The following ENY2 variants were observed in gnomAD, a reference collection of about 807,000 sequenced individuals.
ENY2 encodes ENY2 transcription and export complex 2 subunit.
In ENY2, 4 loss-of-function variants were observed where a neutral mutation model predicts 15.9. That is an observed-to-expected ratio of 0.25 (90% confidence interval 0.12 to 0.57). The LOEUF (loss-of-function observed/expected upper bound fraction) is 0.57. ENY2 is among the 20% of genes least tolerant of loss of function. The pLI, the probability that ENY2 is intolerant of heterozygous loss-of-function variation, is 0.91. For missense variants in ENY2, 54 were observed against 117.2 expected, an observed-to-expected ratio of 0.46 and a Z score of 2.49; for synonymous variants, 48 against 38.0, an observed-to-expected ratio of 1.26 and a Z score of -0.97.
rs1017850454 is a variant in ENY2, at chr8:109,334,415, C to T, written c.-54C>T. The T allele has an allele frequency of 3.1e-6, 5 of 1,613,256 alleles. No homozygotes were observed. The highest frequency in any genetic ancestry group is 1.1e-5 in the South Asian group (1 of 90,902). On this transcript the variant is annotated 5_prime_UTR_variant, in exon 1 of 5. Transcript: ENST00000521688. ...GCCGAAGAGTGTGGTAGGTAACGGT[C>T]CTCAGCGCAAGGGTCATTTCGTCGC... is the stretch of plus-strand genomic sequence containing the variant.
intron 1 of ENY2, 87 bp from the exon 2 acceptor site, chr8:109,336,041 G>A (rs1167529114): frequency 8.3e-7 from 1 of 1,206,664 alleles, no homozygotes. Flanking sequence ...TAATAGAATG[G>A]TAAACATGTT....
At chr8:109,340,231 A>C (rs1041413769) in intron 3 of ENY2, 1 of 437,056 alleles carries the variant, frequency 2.3e-6, no homozygotes, top group Non-Finnish European at 4.2e-6. Context: ...TTAGATTTGA[A>C]TATTACAGTC....
At chr8:109,337,081 T>TTTTTTTTTTTTTTTTTTTTTTTTTTTGAG (rs1250292351) in intron 2 of ENY2, among the ~76,000 whole-genome samples, 1 of 151,390 alleles carries the variant, frequency 6.6e-6, no homozygotes, top group Non-Finnish European at 1.5e-5. Flanking sequence ...TTTAAAGTTT[T>TTTTTTTTTTTTTTTTTTTTTTTTTTTGAG]AAGAAAGGAA....
At chr8:109,340,703 C>T in intron 4 of ENY2, 140 bp downstream of exon 4, 4 of 1,009,594 alleles carry the variant, frequency 4.0e-6, no homozygotes, top group East Asian at 2.7e-5. Context: ...AAATTGCCTA[C>T]CTGCCTCCTA....
chr8:109,340,772 A>G, intron 4 of ENY2: 2 of 519,586 alleles, frequency 3.8e-6, no homozygotes, highest in South Asian at 2.9e-5. Flanking sequence ...ACTCTAGAAC[A>G]GTGCACCAAT....
At position 109,345,080 on chromosome 8, in the gene ENY2, CAT is replaced by C. The variant is rs1294412280; in HGVS notation, c.*1602_*1603del. 2.0e-5 allele frequency: 3 copies of C among 152,228 alleles called. No individual in the cohort carries two copies. The highest frequency in any genetic ancestry group is 2.1e-4 in the South Asian group (1 of 4,826). 9.4% of individuals were successfully genotyped at this position (152,228 alleles called of 1,614,324 possible). ...CTTTGAACCCAGAAGCCCCCTTTCT[CAT>C]ATGTTTCTCATTCCTGTTTGCCCTT... On this transcript the variant is annotated 3_prime_UTR_variant, in exon 5 of 5. Transcript: ENST00000521688.
At chr8:109,342,691 G>C (rs769194455) in intron 4 of ENY2, 4 of 697,456 alleles carry the variant, frequency 5.7e-6, no homozygotes, top group Non-Finnish European at 1.0e-5. Context: ...TTTTTGTAGA[G>C]ACAGGTTTCG....
intron 2 of ENY2, chr8:109,338,376 C>G (rs1034174518): frequency 6.6e-6 from 1 of 152,086 alleles, no homozygotes; most frequent in Non-Finnish European, 1.5e-5. Context: ...TACAGAGATT[C>G]CTAGTCTGAG....
rs1415976464 is a variant in ENY2, at chr8:109,344,709, A to G, written c.*1228A>G. 1 of 152,210 alleles carries G rather than the reference A, an allele frequency of 6.6e-6. No individual in the cohort carries two copies. The highest frequency in any genetic ancestry group is 1.5e-5 in the Non-Finnish European group (1 of 68,044). The allele number at this position is 152,210 out of a possible 1,614,324, so 9.4% of individuals were successfully genotyped here. A position where few individuals can be genotyped will look rare whatever the true frequency, so the allele number is the denominator to read the frequency against. On this transcript the variant is annotated 3_prime_UTR_variant, in exon 5 of 5. Coordinates refer to ENST00000521688, the MANE Select transcript of ENY2 (RefSeq NM_020189.6). ...ATTCTGTATTTCTGGCGAGTACCCA[A>G]CTGGTGCTCATGCTGCTGATTGAGA...
rs1816171973 is a variant in ENY2 at position 109,343,706 on chromosome 8, C to G, written c.*225C>G. 2.2e-6 allele frequency: 1 copy of G among 453,944 alleles called. No homozygotes were observed. The highest frequency in any genetic ancestry group is 3.6e-5 in the South Asian group (1 of 27,540). The allele number at this position is 453,944 out of a possible 1,614,324, so 28.1% of individuals were successfully genotyped here. A position where few individuals can be genotyped will look rare whatever the true frequency, so the allele number is the denominator to read the frequency against. ...GATTTTGAAATGAATGGGACTTTGTCTTTATTACTAATTCACCAAATTTGT... is the reference window on the plus strand; with the variant it reads ...GATTTTGAAATGAATGGGACTTTGTGTTTATTACTAATTCACCAAATTTGT... On this transcript the variant is annotated 3_prime_UTR_variant, in exon 5 of 5. Transcript: ENST00000521688.
Position 109,334,410 on chromosome 8 carries a change from A to G in ENY2, c.-59A>G, listed in dbSNP as rs1332085505. 4 of 1,612,966 alleles carry G rather than the reference A, an allele frequency of 2.5e-6. No individual in the cohort carries two copies. The Admixed American group carries it at 6.7e-5, about 27-fold the overall frequency. ...GGGCAGCCGAAGAGTGTGGTAGGTA[A>G]CGGTCCTCAGCGCAAGGGTCATTTC... On this transcript the variant is annotated 5_prime_UTR_variant, in exon 1 of 5. Coordinates refer to ENST00000521688, the MANE Select transcript of ENY2 (RefSeq NM_020189.6).
intron 2 of ENY2, among the ~76,000 whole-genome samples, chr8:109,337,839 C>T (rs1170200918): frequency 3.3e-5 from 5 of 151,598 alleles, no homozygotes; most frequent in South Asian, 2.1e-4. Flanking sequence ...GCGGAGGTTG[C>T]GGTGAGCTGA....
chr8:109,342,967 T>A (rs1311140012), intron 4 of ENY2, among the ~76,000 whole-genome samples: 4 of 152,244 alleles, frequency 2.6e-5, no homozygotes, highest in Admixed American at 2.6e-4. Context: ...AGCCTTTTGA[T>A]CTTTTCCTTA....
At chr8:109,342,954 A>G (rs762105528) in intron 4 of ENY2, 32 of 490,454 alleles carry the variant, frequency 6.5e-5, no homozygotes, top group Non-Finnish European at 9.6e-5. Flanking sequence ...TCATGTTTCT[A>G]TTAGCCTTTT....
At chr8:109,337,095 ACTAGAT>A (rs1021139755) in intron 2 of ENY2, among the ~76,000 whole-genome samples, 2 of 128,340 alleles carry the variant, frequency 1.6e-5, no homozygotes, top group Non-Finnish European at 3.5e-5. Context: ...AAAGGAAATG[ACTAGAT>A]CACATTTACA....
chr8:109,334,853 C>A, intron 1 of ENY2: 1 of 240,520 alleles, frequency 4.2e-6, no homozygotes, highest in Non-Finnish European at 7.9e-6. Context: ...CTGACTAGAC[C>A]TTGTAGTTAT....
rs1022089920 is a variant in ENY2, at chr8:109,344,993, C to T, written c.*1512C>T. ...AACACATAGGCCCTTCTTGATCTGA[C>T]ATCGTGTTTCTCTAGTTAGACTAAA... On this transcript the variant is annotated 3_prime_UTR_variant, in exon 5 of 5. Coordinates refer to ENST00000521688, the MANE Select transcript of ENY2 (RefSeq NM_020189.6). 3.9e-5 allele frequency: 6 copies of T among 152,144 alleles called. No individual in the cohort carries two copies. Among genetic ancestry groups the T allele is most frequent in the Non-Finnish European group, 1.5e-5 (1 of 68,038 alleles). The allele number at this position is 152,144 out of a possible 1,614,324, so 9.4% of individuals were successfully genotyped here. A position where few individuals can be genotyped will look rare whatever the true frequency, so the allele number is the denominator to read the frequency against.
At position 109,344,488 on chromosome 8, in the gene ENY2, C is replaced by G. The variant is rs528182603; in HGVS notation, c.*1007C>G. ...CCAGACTTCATCCTAGCCTCCACAC[C>G]CAGACACCCAACTGCTATGGATCAA... On this transcript the variant is annotated 3_prime_UTR_variant, in exon 5 of 5. Transcript: ENST00000521688. 2.0e-5 allele frequency: 3 copies of G among 152,362 alleles called. No individual in the cohort carries two copies. The South Asian group carries it at 6.2e-4, about 32-fold the overall frequency. 9.4% of individuals were successfully genotyped at this position (152,362 alleles called of 1,614,324 possible).
In ENY2 at chr8:109,344,299, G is replaced by A. The variant is rs1294541954; in HGVS notation, c.*818G>A. On this transcript the variant is annotated 3_prime_UTR_variant, in exon 5 of 5. Coordinates refer to ENST00000521688, the MANE Select transcript of ENY2 (RefSeq NM_020189.6). ...GGAAGTTCCTTCTGTTTCTTGTGGA[G>A]TACCTTTTGCTGTCTGGGACTTGTA... is the stretch of plus-strand genomic sequence containing the variant. 6.6e-6 allele frequency: 1 copy of A among 152,250 alleles called. No individual in the cohort carries two copies. Among genetic ancestry groups the A allele is most frequent in the East Asian group, 1.9e-4 (1 of 5,192 alleles). The allele number at this position is 152,250 out of a possible 1,614,324, so 9.4% of individuals were successfully genotyped here. A position where few individuals can be genotyped will look rare whatever the true frequency, so the allele number is the denominator to read the frequency against.
Sources: gnomAD v4.1 joint callset for allele counts (sites outside exome capture counted in the v4.1 genomes callset) on GRCh38, gnomAD v4.1.1 for gene constraint, MANE v1.5 for transcripts, NCBI Gene and HGNC (gene_info 2026-07-23, HGNC 2026-07-21) for gene names.